The following RIMS3 variants were observed in gnomAD, a reference collection of about 807,000 sequenced individuals.
RIMS3 encodes regulating synaptic membrane exocytosis 3.
A neutral mutation model predicts 29.2 loss-of-function variants in RIMS3; 15 were observed. The ratio of observed to expected loss-of-function variants is 0.51; its 90% CI spans 0.34 to 0.79. The LOEUF (loss-of-function observed/expected upper bound fraction) is 0.79, where lower values mean the gene tolerates loss of function less well. Ranked by LOEUF, RIMS3 falls within the 30% of genes least tolerant of loss-of-function variation. RIMS3 has a pLI of 0.01. For missense variants in RIMS3, 342 were observed against 421.4 expected (o/e 0.81, Z 1.65); for synonymous variants, 161 against 170.1 (o/e 0.95, Z 0.41).
chr1:40,680,383 G>A, the RIMS3 span, among the ~76,000 whole-genome samples: 1 of 148,138 alleles, frequency 6.8e-6, no homozygotes, highest in Non-Finnish European at 1.5e-5. Flanking sequence ...CCAGGCTGGA[G>A]TGTGGTAGTG....
intron 7 of RIMS3, 94 bp downstream of exon 7, chr1:40,628,716 G>A: frequency 6.6e-7 from 1 of 1,526,238 alleles, no homozygotes; most frequent in South Asian, 1.1e-5. Context: ...ACCTACCACA[G>A]CACCTGGCAC....
intron 2 of RIMS3, among the ~76,000 whole-genome samples, chr1:40,646,391 CAG>C (rs1422756270): frequency 6.6e-6 from 1 of 152,170 alleles, no homozygotes; most frequent in Non-Finnish European, 1.5e-5. Context: ...AGGCAGGACA[CAG>C]AGCACACCGT....
chr1:40,634,287 A>T (rs1646506775), intron 4 of RIMS3, among the ~76,000 whole-genome samples: 1 of 152,092 alleles, frequency 6.6e-6, no homozygotes, highest in Non-Finnish European at 1.5e-5. Context: ...CTTGTCAGAG[A>T]GAGCCTGTGT....
At chr1:40,687,005 C>CA in the RIMS3 span, among the ~76,000 whole-genome samples, 105,888 of 142,490 alleles carry the variant, frequency 0.74, 39,193 homozygotes, top group African/African-American at 0.81. Context: ...GGTGGCTCCT[C>CA]AAAAAAAAAA....
At chr1:40,656,039 A>G (rs1380974539) in intron 1 of RIMS3, among the ~76,000 whole-genome samples, 2 of 152,096 alleles carry the variant, frequency 1.3e-5, no homozygotes, top group Non-Finnish European at 2.9e-5. Context: ...AAACAAATCT[A>G]CAGACTCTTG....
intron 2 of RIMS3, among the ~76,000 whole-genome samples, chr1:40,644,328 T>C (rs1646580451): frequency 6.6e-6 from 1 of 152,246 alleles, no homozygotes; most frequent in East Asian, 1.9e-4. Flanking sequence ...TTTTGGATTC[T>C]TAGAATCTAT....
At chr1:40,690,611 TAG>T in the RIMS3 span, 1 of 152,232 alleles carries the variant, frequency 6.6e-6, no homozygotes, top group African/African-American at 2.4e-5. Flanking sequence ...ATTCATCAAA[TAG>T]AGTGCCTGAT....
intron 1 of RIMS3, among the ~76,000 whole-genome samples, chr1:40,649,377 C>T (rs1453482522): frequency 3.9e-5 from 6 of 152,204 alleles, no homozygotes; most frequent in African/African-American, 7.2e-5. Context: ...CAGCCATAGT[C>T]GTTCACAGAC....
chr1:40,632,151 T>C (rs1646493012), intron 5 of RIMS3, among the ~76,000 whole-genome samples: 1 of 152,030 alleles, frequency 6.6e-6, no homozygotes, highest in Admixed American at 6.6e-5. Flanking sequence ...CCTGAGCAGC[T>C]GGGACTACAG....
intron 1 of RIMS3, among the ~76,000 whole-genome samples, chr1:40,649,826 G>C (rs973431310): frequency 6.6e-6 from 1 of 152,194 alleles, no homozygotes. Flanking sequence ...TTTGGGCAGG[G>C]TGGGCCCTCT....
intron 3 of RIMS3, among the ~76,000 whole-genome samples, chr1:40,640,841 C>T (rs1346108666): frequency 6.6e-6 from 1 of 152,192 alleles, no homozygotes; most frequent in Non-Finnish European, 1.5e-5. Flanking sequence ...TACACCTGCA[C>T]ACATGTGACA....
chr1:40,662,276 AC>A (rs1330100862), intron 1 of RIMS3, among the ~76,000 whole-genome samples: 1 of 152,130 alleles, frequency 6.6e-6, no homozygotes, highest in African/African-American at 2.4e-5. Context: ...GGCCTCAGAC[AC>A]ACAGTTCCCC....
In RIMS3 at chr1:40,626,156, C is replaced by T. The variant is rs754605172; in HGVS notation, c.*361G>A. 4.5e-5 allele frequency: 16 copies of T among 353,636 alleles called. No homozygotes were observed. The highest frequency in any genetic ancestry group is 7.1e-5 in the Non-Finnish European group (13 of 183,814). 21.9% of individuals were successfully genotyped at this position (353,636 alleles called of 1,614,324 possible). On this transcript the variant is annotated 3_prime_UTR_variant, in exon 8 of 8. Transcript: ENST00000372684. Reference sequence around the variant, plus strand: ...GGACCAGGCAGCACCGACCAGTGGCCGCATGCCCCACCTCCATCCCTGGAG... The same window carrying T: ...GGACCAGGCAGCACCGACCAGTGGCTGCATGCCCCACCTCCATCCCTGGAG...
the RIMS3 span, among the ~76,000 whole-genome samples, chr1:40,687,008 A>AC: frequency 6.6e-6 from 1 of 151,538 alleles, no homozygotes; most frequent in Non-Finnish European, 1.5e-5. Flanking sequence ...GGCTCCTCAA[A>AC]AAAAAAAAAA....
chr1:40,634,924 A>T (rs1262552429), intron 4 of RIMS3, among the ~76,000 whole-genome samples: 2 of 151,350 alleles, frequency 1.3e-5, no homozygotes, highest in Middle Eastern at 3.4e-3. Flanking sequence ...GTGGGCAACA[A>T]GAGCAAAACT....
chr1:40,629,197 G>A (rs547819534), intron 6 of RIMS3, 74 bp downstream of exon 6: 1 of 1,317,910 alleles, frequency 7.6e-7, no homozygotes, highest in East Asian at 2.3e-5. Flanking sequence ...GCCAGTGGGA[G>A]CTGAGGACCT....
chr1:40,638,770 C>T (rs1235581044), intron 3 of RIMS3, among the ~76,000 whole-genome samples: 1 of 152,238 alleles, frequency 6.6e-6, no homozygotes, highest in Admixed American at 6.5e-5. Context: ...CTCCTCACTG[C>T]TCCCACGACT....
At chr1:40,648,497 A>G (rs1403924012) in intron 1 of RIMS3, among the ~76,000 whole-genome samples, 1 of 152,214 alleles carries the variant, frequency 6.6e-6, no homozygotes, top group Non-Finnish European at 1.5e-5. Context: ...AAATCCCCTG[A>G]GCCTAATGCT....
At chr1:40,678,393 G>A in the RIMS3 span, among the ~76,000 whole-genome samples, 2 of 152,210 alleles carry the variant, frequency 1.3e-5, no homozygotes, top group Non-Finnish European at 2.9e-5. Flanking sequence ...GGGTGACAGA[G>A]TGAGACTCCA....
Sources: gnomAD v4.1 joint callset for allele counts (sites outside exome capture counted in the v4.1 genomes callset) on GRCh38, gnomAD v4.1.1 for gene constraint, MANE v1.5 for transcripts, NCBI Gene and HGNC (gene_info 2026-07-23, HGNC 2026-07-21) for gene names.